BNIP3L: variants seen among roughly 807,000 people sequenced by gnomAD.
The protein encoded by BNIP3L is BCL2 interacting protein 3 like.
In BNIP3L, 10 loss-of-function variants were observed where a neutral mutation model predicts 25.5. That is an observed-to-expected ratio of 0.39 (90% confidence interval 0.24 to 0.67). The LOEUF (loss-of-function observed/expected upper bound fraction) is 0.67, where lower values mean the gene tolerates loss of function less well. Among genes scored for constraint, BNIP3L ranks in the 30% least tolerant of loss-of-function variants. BNIP3L has a pLI of 0.45. For missense variants in BNIP3L, 215 were observed against 270.9 expected (o/e 0.79, Z 1.45); for synonymous variants, 113 against 101.2 (o/e 1.12, Z -0.70).
chr8:26,408,892 GAA>G (rs1156486201), intron 5 of BNIP3L, among the ~76,000 whole-genome samples: 2 of 19,762 alleles, frequency 1.0e-4, no homozygotes, highest in South Asian at 1.5e-3. Context: ...AAAAAAAAAA[GAA>G]GATGTTCATA....
At chr8:26,391,094 T>C in intron 1 of BNIP3L, 149 bp from the exon 2 acceptor site, 1 of 618,152 alleles carries the variant, frequency 1.6e-6, no homozygotes, top group Non-Finnish European at 2.6e-6. Flanking sequence ...CTTTAGACTT[T>C]TATTACTTCT....
At chr8:26,387,031 A>T (rs970550701) in intron 1 of BNIP3L, among the ~76,000 whole-genome samples, 1 of 152,216 alleles carries the variant, frequency 6.6e-6, no homozygotes, top group Non-Finnish European at 1.5e-5. Context: ...TGAAATTTCA[A>T]AAGAGTTACA....
At chr8:26,387,011 G>A (rs180826449) in intron 1 of BNIP3L, among the ~76,000 whole-genome samples, 1 of 152,274 alleles carries the variant, frequency 6.6e-6, no homozygotes, top group African/African-American at 2.4e-5. Flanking sequence ...AGGAAAGAAT[G>A]TAAATATAAT....
chr8:26,408,185 T>C (rs1303521489), intron 4 of BNIP3L, 42 bp from the exon 5 acceptor site: 1 of 1,611,952 alleles, frequency 6.2e-7, no homozygotes, highest in Non-Finnish European at 8.5e-7. Context: ...ATCCCCACGA[T>C]ATTTTCAGCA....
chr8:26,398,998 A>G lies in BNIP3L; in HGVS notation c.357+3696A>G, dbSNP rs866638896. On this transcript the variant is annotated intron_variant, in intron 3 of 5. Coordinates refer to ENST00000380629, the MANE Select transcript of BNIP3L (RefSeq NM_004331.3). Reference sequence around the variant, plus strand: ...AATTCTACCAGAGGTACAAGGAGGAACTGGTACCATTCCTTCTGAAACTAT... The same window carrying G: ...AATTCTACCAGAGGTACAAGGAGGAGCTGGTACCATTCCTTCTGAAACTAT... 3.8e-3 allele frequency among the ~76,000 whole-genome samples: 574 copies of G among 151,606 alleles called. 2 individuals carry two copies. Among genetic ancestry groups the G allele is most frequent in the Admixed American group, 7.9e-3 (120 of 15,248 alleles).
chr8:26,384,736 T>C (rs1321325266), intron 1 of BNIP3L, among the ~76,000 whole-genome samples: 2 of 89,308 alleles, frequency 2.2e-5, no homozygotes, highest in Non-Finnish European at 3.2e-5. Flanking sequence ...CATTTTTTTT[T>C]TTTTTTTTTT....
At chr8:26,388,462 C>T (rs1265528522) in intron 1 of BNIP3L, among the ~76,000 whole-genome samples, 2 of 152,180 alleles carry the variant, frequency 1.3e-5, no homozygotes, top group Non-Finnish European at 2.9e-5. Context: ...CCTGACCACA[C>T]TATACCAGTG....
intron 1 of BNIP3L, among the ~76,000 whole-genome samples, chr8:26,391,016 A>G (rs1806095139): frequency 1.3e-5 from 2 of 152,160 alleles, no homozygotes; most frequent in Admixed American, 1.3e-4. Flanking sequence ...GTTTTCTGAG[A>G]TGTTTTAGAG....
intron 2 of BNIP3L, 39 bp from the exon 3 acceptor site, chr8:26,395,189 AGT>A: frequency 6.3e-7 from 1 of 1,596,506 alleles, no homozygotes; most frequent in South Asian, 1.1e-5. Context: ...CATTTGACAA[AGT>A]GAGAATTAAA....
At chr8:26,402,580 T>C (rs1806410417) in intron 3 of BNIP3L, among the ~76,000 whole-genome samples, 1 of 152,140 alleles carries the variant, frequency 6.6e-6, no homozygotes, top group African/African-American at 2.4e-5. Flanking sequence ...TCCCCCACAC[T>C]CTCACCTTAG....
intron 3 of BNIP3L, among the ~76,000 whole-genome samples, chr8:26,402,414 C>T (rs1490927499): frequency 3.3e-5 from 5 of 152,194 alleles, no homozygotes; most frequent in South Asian, 2.1e-4. Flanking sequence ...GGAGAGAAAT[C>T]GAATTCTTTG....
intron 1 of BNIP3L, among the ~76,000 whole-genome samples, chr8:26,384,784 G>A (rs559500695): frequency 2.0e-4 from 26 of 128,052 alleles, no homozygotes; most frequent in African/African-American, 5.9e-4. Flanking sequence ...TACAACCTCC[G>A]CCTCCCAGGT....
intron 2 of BNIP3L, among the ~76,000 whole-genome samples, chr8:26,391,791 C>T (rs1806117158): frequency 6.6e-6 from 1 of 152,194 alleles, no homozygotes; most frequent in Non-Finnish European, 1.5e-5. Flanking sequence ...GAATTAGTTA[C>T]CTCTGTATAT....
At chr8:26,385,527 C>A (rs1251119578) in intron 1 of BNIP3L, among the ~76,000 whole-genome samples, 1 of 143,112 alleles carries the variant, frequency 7.0e-6, no homozygotes, top group Admixed American at 7.3e-5. Context: ...CGCTTGAATC[C>A]GGGAGGCAGA....
intron 1 of BNIP3L, among the ~76,000 whole-genome samples, chr8:26,385,016 C>T (rs192556546): frequency 1.3e-5 from 2 of 151,806 alleles, no homozygotes; most frequent in African/African-American, 2.4e-5. Context: ...CCTGACCTCA[C>T]GTCATCCGCC....
intron 1 of BNIP3L, among the ~76,000 whole-genome samples, chr8:26,384,995 G>C (rs1805959352): frequency 6.6e-6 from 1 of 151,936 alleles, no homozygotes; most frequent in Non-Finnish European, 1.5e-5. Flanking sequence ...TGGCCAGGCT[G>C]GTCTCAAACT....
At chr8:26,410,049 TGAA>T (rs951325783) in intron 5 of BNIP3L, among the ~76,000 whole-genome samples, 14 of 152,260 alleles carry the variant, frequency 9.2e-5, no homozygotes, top group African/African-American at 3.4e-4. Flanking sequence ...AGGAACATCT[TGAA>T]GGAGTTGGGC....
At position 26,408,384 on chromosome 8, in the gene BNIP3L, C is replaced by T; in HGVS notation, c.611+8C>T. 6.2e-7 allele frequency: 1 copy of T among 1,603,252 alleles called. No individual in the cohort carries two copies. The highest frequency in any genetic ancestry group is 8.5e-7 in the Non-Finnish European group (1 of 1,175,216). ...TTTGGCTTTGGGGCTAGGGTAAGTA[C>T]CGGTCAACTCCTGAAGTTTTTTCCA... On this transcript the variant is annotated splice_region_variant and intron_variant, in intron 5 of 5. Transcript: ENST00000380629.
intron 1 of BNIP3L, among the ~76,000 whole-genome samples, chr8:26,391,005 C>T (rs574028074): frequency 5.3e-5 from 8 of 152,220 alleles, no homozygotes; most frequent in East Asian, 1.9e-4. Context: ...CTGAAAAACA[C>T]GTTTTCTGAG....
Sources: allele counts gnomAD v4.1 joint callset (sites outside exome capture counted in the v4.1 genomes callset), GRCh38; gene constraint gnomAD v4.1.1; transcripts MANE v1.5; gene names NCBI Gene and HGNC (gene_info 2026-07-23, HGNC 2026-07-21).